Variants in SPTBN1 observed in about 807,000 individuals in gnomAD.
SPTBN1 encodes the protein spectrin beta, non-erythrocytic 1.
Under a neutral mutation model 266.4 loss-of-function variants are expected in SPTBN1, and 32 were observed. The observed-to-expected ratio is 0.12, with a 90% confidence interval of 0.09 to 0.16. The LOEUF (loss-of-function observed/expected upper bound fraction) is 0.16. SPTBN1 is among the 10% of genes least tolerant of loss of function. The probability of loss-of-function intolerance (pLI) is 1.00; values close to 1 mark genes in which losing one functional copy is unlikely to be tolerated. For synonymous variants in SPTBN1, 1,336 were observed against 1,162.2 expected (o/e 1.15, Z -3.04); for missense variants, 2,296 against 3,067.1 (o/e 0.75, Z 5.94).
chr2:54,625,048 A>C, intron 11 of SPTBN1, 86 bp downstream of exon 11: 1 of 1,450,894 alleles, frequency 6.9e-7, no homozygotes, highest in Non-Finnish European at 9.2e-7. Context: ...GCCAGAGGAC[A>C]GCTGCTTATC....
chr2:54,660,156 C>T lies in SPTBN1; in HGVS notation c.6420+157C>T. The T allele has an allele frequency of 6.5e-6, 10 of 1,538,238 alleles. No individual in the cohort carries two copies. The South Asian group carries it at 1.1e-4, about 18-fold the overall frequency. On this transcript the variant is annotated intron_variant, in intron 32 of 35. Transcript: ENST00000356805. ...GGTTTTGACTTTTTGGCTTCCACTT[C>T]ACCCAAAATGTTAAAATTTTTACTT...
At chr2:54,465,706 GTAA>G in intron 1 of SPTBN1, among the ~76,000 whole-genome samples, 2 of 147,218 alleles carry the variant, frequency 1.4e-5, no homozygotes. Flanking sequence ...GTTTGATTGA[GTAA>G]TCTCTACCAC....
intron 2 of SPTBN1, among the ~76,000 whole-genome samples, chr2:54,535,976 C>A (rs142305185): frequency 6.6e-6 from 1 of 152,194 alleles, no homozygotes; most frequent in Non-Finnish European, 1.5e-5. Context: ...GCCAAGATTG[C>A]GCCATTGCAC....
In SPTBN1 at chr2:54,540,033, C is replaced by G. The variant is rs570733746; in HGVS notation, c.148+13467C>G. Reference sequence around the variant, plus strand: ...AAAGTAGACATGGGAAATGATCTTTCTCCCTACCATGTGAGAATCTGAGAG... The same window carrying G: ...AAAGTAGACATGGGAAATGATCTTTGTCCCTACCATGTGAGAATCTGAGAG... On this transcript the variant is annotated intron_variant, in intron 2 of 35. Coordinates refer to ENST00000356805, the MANE Select transcript of SPTBN1 (RefSeq NM_003128.3). The surrounding 1 kb of genome is among the most constrained non-coding windows in gnomAD (Gnocchi z 5.6). Among the ~76,000 whole-genome samples, 2 of 152,280 alleles carry G rather than the reference C, an allele frequency of 1.3e-5. No individual in the cohort carries two copies. Among genetic ancestry groups the G allele is most frequent in the Middle Eastern group, 3.4e-3 (1 of 294 alleles).
chr2:54,481,433 TGTGTGTG>T (rs1558764054), intron 1 of SPTBN1, among the ~76,000 whole-genome samples: 1,456 of 91,204 alleles, frequency 0.016, 30 homozygotes, highest in African/African-American at 0.072. Flanking sequence ...TGTGTGTGTG[TGTGTGTG>T]TTTTGTTTTG....
intron 35 of SPTBN1, 151 bp from the exon 36 acceptor site, chr2:54,668,200 C>G: frequency 1.5e-6 from 1 of 682,690 alleles, no homozygotes. Context: ...CTCTCCTGTA[C>G]TGATAAGGCA....
Position 54,562,533 on chromosome 2 carries a change from C to CT in SPTBN1, c.148+35979dup, listed in dbSNP as rs1553447705. On this transcript the variant is annotated intron_variant, in intron 2 of 35. Transcript: ENST00000356805. ...AAATGCTTACTTTTCTTTTCTTTTT[C>CT]TTTTTTTTTTTTGAGGCAAGGTCTG... 9.0e-4 allele frequency among the ~76,000 whole-genome samples: 114 copies of CT among 126,816 alleles called. 2 individuals are homozygous for CT. Among genetic ancestry groups the CT allele is most frequent in the Admixed American group, 2.6e-3 (32 of 12,196 alleles). The allele number at this position is 126,816 out of a possible 152,430, so 83.2% of individuals were successfully genotyped here.
intron 2 of SPTBN1, among the ~76,000 whole-genome samples, chr2:54,580,464 A>C (rs967616502): frequency 6.6e-6 from 1 of 152,160 alleles, no homozygotes; most frequent in African/African-American, 2.4e-5. Flanking sequence ...ACATTTCTCC[A>C]CATTATCAGG....
intron 1 of SPTBN1, among the ~76,000 whole-genome samples, chr2:54,459,835 A>G (rs183611903): frequency 6.6e-6 from 1 of 152,222 alleles, no homozygotes; most frequent in East Asian, 1.9e-4. Context: ...GTAAATTTTC[A>G]GTCTTTGCTT....
chr2:54,648,251 T>C (rs1680044416), intron 24 of SPTBN1, among the ~76,000 whole-genome samples: 1 of 152,198 alleles, frequency 6.6e-6, no homozygotes, highest in South Asian at 2.1e-4. Context: ...AGGAGGTTCT[T>C]AAGATGTTCA....
intron 26 of SPTBN1, among the ~76,000 whole-genome samples, chr2:54,650,436 T>C (rs997692043): frequency 3.9e-5 from 6 of 152,232 alleles, no homozygotes; most frequent in Admixed American, 6.5e-5. Flanking sequence ...ACTAAGACTT[T>C]GTTTAAAAGA....
At chr2:54,463,885 A>G (rs946352517) in intron 1 of SPTBN1, among the ~76,000 whole-genome samples, 3 of 152,252 alleles carry the variant, frequency 2.0e-5, no homozygotes, top group African/African-American at 7.2e-5. Context: ...TAAACAAACA[A>G]TAAAATGCTA....
chr2:54,529,851 CCAAAAA>C (rs1671099871), intron 2 of SPTBN1: 24 of 59,446 alleles, frequency 4.0e-4, no homozygotes, highest in East Asian at 5.7e-4. Flanking sequence ...TCTCTTTTCA[CCAAAAA>C]AAAAAAAAAA....
chr2:54,487,496 A>G (rs1668461958), intron 1 of SPTBN1, among the ~76,000 whole-genome samples: 2 of 152,134 alleles, frequency 1.3e-5, no homozygotes, highest in Admixed American at 1.3e-4. Context: ...AGAAATACCA[A>G]CATCATTTTC....
chr2:54,502,787 CT>C (rs1308350065), intron 1 of SPTBN1, among the ~76,000 whole-genome samples: 10 of 152,134 alleles, frequency 6.6e-5, no homozygotes, highest in African/African-American at 2.4e-4. Flanking sequence ...GAGCAGGAAC[CT>C]TCTGGAGCTT....
At position 54,647,188 on chromosome 2, in the gene SPTBN1, G is replaced by A; in HGVS notation, c.4924G>A (p.Glu1642Lys). The change falls in exon 24 of 36, where the codon GAG (glutamate) becomes AAG (lysine). Residue 1642 changes from glutamate (E) to lysine (K), a missense_variant. Transcript: ENST00000356805. ...KKHQILEQAV[E>K]DYAETVHQLS... is the part of the protein sequence containing the mutation. Reference sequence around the variant, plus strand: ...GCACCAGATCTTAGAACAAGCTGTGGAGGACTATGCAGAGACCGTGCATCA... The same window carrying A: ...GCACCAGATCTTAGAACAAGCTGTGAAGGACTATGCAGAGACCGTGCATCA... The A allele has an allele frequency of 3.1e-6, 5 of 1,614,184 alleles. No individual in the cohort carries two copies. The highest frequency in any genetic ancestry group is 4.2e-6 in the Non-Finnish European group (5 of 1,180,032).
chr2:54,529,704 A>G (rs566016244), intron 2 of SPTBN1: 1 of 716,240 alleles, frequency 1.4e-6, no homozygotes, highest in Admixed American at 1.7e-5. Flanking sequence ...TGTGACATTG[A>G]TGGGGCCAAG....
At chr2:54,500,689 G>A (rs1037832760) in intron 1 of SPTBN1, among the ~76,000 whole-genome samples, 4 of 152,142 alleles carry the variant, frequency 2.6e-5, no homozygotes, top group Non-Finnish European at 5.9e-5. Flanking sequence ...TGGGACTACA[G>A]ATGCATGCCA....
intron 7 of SPTBN1, among the ~76,000 whole-genome samples, chr2:54,618,758 A>G (rs1401567446): frequency 6.6e-6 from 1 of 152,186 alleles, no homozygotes; most frequent in Non-Finnish European, 1.5e-5. Context: ...TGAGCAAGTA[A>G]GAGTTTAAAT....
Sources: allele counts gnomAD v4.1 joint callset (sites outside exome capture counted in the v4.1 genomes callset), GRCh38; gene constraint gnomAD v4.1.1; non-coding constraint Gnocchi (gnomAD v3.1); transcripts MANE v1.5; gene names NCBI Gene and HGNC (gene_info 2026-07-23, HGNC 2026-07-21).